The following LRP1B variants were observed in gnomAD, a reference collection of about 807,000 sequenced individuals.
The protein encoded by LRP1B is low-density lipoprotein receptor-related protein 1B.
A neutral mutation model predicts 556.6 loss-of-function variants in LRP1B; 217 were observed. That is an observed-to-expected ratio of 0.39 (90% confidence interval 0.35 to 0.44). LRP1B has a LOEUF of 0.44. LRP1B is among the 20% of genes least tolerant of loss of function. The probability of loss-of-function intolerance (pLI) is 1.00; values close to 1 mark genes in which losing one functional copy is unlikely to be tolerated. For missense variants in LRP1B, 5,053 were observed against 5,620.8 expected (o/e 0.90, Z 3.23); for synonymous variants, 2,047 against 1,865.8 (o/e 1.10, Z -2.50).
intron 43 of LRP1B, among the ~76,000 whole-genome samples, chr2:140,553,133 A>G (rs1334905999): frequency 6.6e-6 from 1 of 152,118 alleles, no homozygotes; most frequent in African/African-American, 2.4e-5. Flanking sequence ...ATTATAAACA[A>G]TCATTATGAG....
chr2:140,833,333 G>T (rs1464771481), intron 31 of LRP1B, among the ~76,000 whole-genome samples: 1 of 152,274 alleles, frequency 6.6e-6, no homozygotes, highest in South Asian at 2.1e-4. Flanking sequence ...AAACTATGTG[G>T]CAGTAGGAGG....
intron 67 of LRP1B, among the ~76,000 whole-genome samples, chr2:140,381,844 A>C (rs931223221): frequency 6.7e-6 from 1 of 148,928 alleles, no homozygotes; most frequent in East Asian, 1.9e-4. Context: ...CCTGGGCAAC[A>C]AAGTGAGGCT....
chr2:142,124,647 G>T lies in LRP1B; in HGVS notation c.82+6001C>A, dbSNP rs184712011. On this transcript the variant is annotated intron_variant, in intron 1 of 90. Transcript: ENST00000389484. ...TAGTAAATTCTCTTTGAGTACAAAT[G>T]AATTCAGAATACTTATTTATTTTCT... 2.3e-3 allele frequency among the ~76,000 whole-genome samples: 342 copies of T among 151,756 alleles called. 1 individual carries two copies. Among genetic ancestry groups the T allele is most frequent in the African/African-American group, 8.1e-3 (335 of 41,486 alleles).
chr2:141,019,449 T>C (rs1698003366), intron 12 of LRP1B, among the ~76,000 whole-genome samples: 1 of 152,064 alleles, frequency 6.6e-6, no homozygotes, highest in Non-Finnish European at 1.5e-5. Context: ...AAAGCAGGGA[T>C]AAGAATAGCA....
chr2:142,022,238 G>A, intron 1 of LRP1B, among the ~76,000 whole-genome samples: 1 of 151,448 alleles, frequency 6.6e-6, no homozygotes. Flanking sequence ...AAAAAATAAT[G>A]GAAAAACAGA....
intron 2 of LRP1B, among the ~76,000 whole-genome samples, chr2:141,639,183 A>G (rs1689216562): frequency 1.4e-5 from 2 of 140,632 alleles, no homozygotes. Context: ...CGGGAAACAC[A>G]CTGGAGGCCG....
chr2:140,954,152 T>C (rs921894830), intron 18 of LRP1B, among the ~76,000 whole-genome samples: 1 of 152,216 alleles, frequency 6.6e-6, no homozygotes, highest in Non-Finnish European at 1.5e-5. Context: ...TTCTCTTTGT[T>C]GCCTAACAAG....
At chr2:141,154,221 G>A (rs1183594002) in intron 7 of LRP1B, among the ~76,000 whole-genome samples, 2 of 151,834 alleles carry the variant, frequency 1.3e-5, no homozygotes, top group Non-Finnish European at 3.0e-5. Context: ...ACACACCCTA[G>A]AATTTCTCAT....
At chr2:141,255,118 G>A (rs430413) in intron 3 of LRP1B, among the ~76,000 whole-genome samples, 32,109 of 151,740 alleles carry the variant, frequency 0.21, 3,452 homozygotes, top group South Asian at 0.26. Flanking sequence ...AATACTGAAT[G>A]TAATATATTT....
intron 1 of LRP1B, among the ~76,000 whole-genome samples, chr2:141,996,261 T>C (rs1373675846): frequency 6.6e-6 from 1 of 151,990 alleles, no homozygotes; most frequent in African/African-American, 2.4e-5. Flanking sequence ...AAAATAGCTT[T>C]ATTACCTATC....
chr2:142,088,819 C>T (rs1171816052), intron 1 of LRP1B, among the ~76,000 whole-genome samples: 2 of 151,600 alleles, frequency 1.3e-5, no homozygotes, highest in East Asian at 3.9e-4. Context: ...ACTAAAAACA[C>T]AAAAAATTAG....
At chr2:140,812,345 A>G (rs1281617687) in intron 32 of LRP1B, among the ~76,000 whole-genome samples, 2 of 152,092 alleles carry the variant, frequency 1.3e-5, no homozygotes, top group Non-Finnish European at 2.9e-5. Context: ...TGAAATAGAG[A>G]TCATCTTAAC....
intron 11 of LRP1B, among the ~76,000 whole-genome samples, chr2:141,022,913 A>G (rs1698106030): frequency 6.6e-6 from 1 of 151,936 alleles, no homozygotes; most frequent in South Asian, 2.1e-4. Context: ...GAGCATGGCT[A>G]TTTTAAACAT....
chr2:141,969,519 TTC>T (rs1202266124), intron 1 of LRP1B, among the ~76,000 whole-genome samples: 4 of 151,806 alleles, frequency 2.6e-5, no homozygotes, highest in African/African-American at 9.6e-5. Context: ...GCATTTGTCT[TTC>T]TGTGTCTGGC....
chr2:141,353,476 G>A (rs1369844479), intron 3 of LRP1B, among the ~76,000 whole-genome samples: 1 of 151,906 alleles, frequency 6.6e-6, no homozygotes, highest in Non-Finnish European at 1.5e-5. Flanking sequence ...ATTTCATTAA[G>A]AGAAACATCT....
intron 18 of LRP1B, among the ~76,000 whole-genome samples, chr2:140,977,954 C>A (rs1037190089): frequency 1.8e-4 from 28 of 152,154 alleles, no homozygotes; most frequent in Admixed American, 4.6e-4. Context: ...TTAGTCTTAT[C>A]CTTGAAATTA....
At chr2:141,849,445 C>T (rs1697769580) in intron 1 of LRP1B, among the ~76,000 whole-genome samples, 1 of 151,654 alleles carries the variant, frequency 6.6e-6, no homozygotes, top group Non-Finnish European at 1.5e-5. Flanking sequence ...CAAAGAAATA[C>T]ATTATGCCCA....
intron 7 of LRP1B, among the ~76,000 whole-genome samples, chr2:141,064,821 A>G (rs539295936): frequency 1.3e-5 from 2 of 152,014 alleles, no homozygotes; most frequent in South Asian, 4.1e-4. Context: ...ACAAGCTAAC[A>G]TTTTTAAATA....
At chr2:142,046,392 C>A (rs571421675) in intron 1 of LRP1B, among the ~76,000 whole-genome samples, 1 of 152,036 alleles carries the variant, frequency 6.6e-6, no homozygotes, top group East Asian at 1.9e-4. Context: ...AACTATGGTA[C>A]ACCACCAGTA....
Sources: gnomAD v4.1 joint callset for allele counts (sites outside exome capture counted in the v4.1 genomes callset) on GRCh38, gnomAD v4.1.1 for gene constraint, MANE v1.5 for transcripts, NCBI Gene and HGNC (gene_info 2026-07-23, HGNC 2026-07-21) for gene names.